Variants in ITGA9 observed in about 807,000 individuals in gnomAD.
The protein encoded by ITGA9 is integrin alpha-9.
In ITGA9, 56 loss-of-function variants were observed where a neutral mutation model predicts 127.8. That is an observed-to-expected ratio of 0.44 (90% CI 0.35 to 0.55). The LOEUF (loss-of-function observed/expected upper bound fraction) is 0.55. ITGA9 is among the 20% of genes least tolerant of loss of function. The probability of loss-of-function intolerance (pLI) is 0.00; values close to 1 mark genes in which losing one functional copy is unlikely to be tolerated. For synonymous variants in ITGA9, 508 were observed against 514.5 expected (o/e 0.99, Z 0.17); for missense variants, 1,196 against 1,347.1 (o/e 0.89, Z 1.76).
chr3:37,509,624 C>T (rs1172994975), intron 8 of ITGA9, among the ~76,000 whole-genome samples: 1 of 152,178 alleles, frequency 6.6e-6, no homozygotes, highest in African/African-American at 2.4e-5. Context: ...CGAATAGGTA[C>T]ACTTAGTGTA....
chr3:37,569,880 G>C (rs74282025), intron 15 of ITGA9, among the ~76,000 whole-genome samples: 1 of 152,138 alleles, frequency 6.6e-6, no homozygotes, highest in Non-Finnish European at 1.5e-5. Context: ...TTATTATATG[G>C]AGATATTTCA....
intron 23 of ITGA9, among the ~76,000 whole-genome samples, chr3:37,764,308 C>G (rs574911618): frequency 1.3e-5 from 2 of 151,906 alleles, no homozygotes; most frequent in Non-Finnish European, 2.9e-5. Flanking sequence ...AATCCTGTGC[C>G]TCTTCATCCA....
At chr3:37,557,828 A>C (rs1343230132) in intron 15 of ITGA9, among the ~76,000 whole-genome samples, 1 of 152,146 alleles carries the variant, frequency 6.6e-6, no homozygotes, top group African/African-American at 2.4e-5. Context: ...ATAAAATCTC[A>C]TTTTACCATT....
At chr3:37,640,311 G>A (rs554813699) in intron 16 of ITGA9, among the ~76,000 whole-genome samples, 1 of 152,270 alleles carries the variant, frequency 6.6e-6, no homozygotes, top group South Asian at 2.1e-4. Flanking sequence ...GGAATAGGAG[G>A]TCAGAGAGAC....
intron 5 of ITGA9, among the ~76,000 whole-genome samples, chr3:37,501,433 TA>T: frequency 6.6e-6 from 1 of 152,170 alleles, no homozygotes; most frequent in East Asian, 1.9e-4. Context: ...GATTATTAAT[TA>T]AAAAAATTAA....
At chr3:37,533,619 C>T (rs1217631304) in intron 14 of ITGA9, 151 bp downstream of exon 14, 4 of 720,742 alleles carry the variant, frequency 5.5e-6, no homozygotes, top group Non-Finnish European at 9.5e-6. Context: ...GAGGTTCCTC[C>T]CCTTCTATTT....
chr3:37,665,674 C>G lies in ITGA9; in HGVS notation c.1916+11884C>G, dbSNP rs371353187. On this transcript the variant is annotated intron_variant, in intron 17 of 27. Coordinates refer to ENST00000264741, the MANE Select transcript of ITGA9 (RefSeq NM_002207.3). ...TTCACCATATTGGCCAGGCGGGTCT[C>G]GAAATCCTGATCTCAAGCAATCCAC... 2.0e-5 allele frequency among the ~76,000 whole-genome samples: 3 copies of G among 152,130 alleles called. No individual in the cohort carries two copies. The East Asian group carries it at 5.8e-4, about 30-fold the overall frequency.
At chr3:37,728,856 G>A (rs1696249908) in intron 18 of ITGA9, among the ~76,000 whole-genome samples, 1 of 151,818 alleles carries the variant, frequency 6.6e-6, no homozygotes, top group Non-Finnish European at 1.5e-5. Context: ...GGCAAGAGGA[G>A]CGAAGGGAGC....
chr3:37,595,467 T>C (rs1442759664), intron 15 of ITGA9, among the ~76,000 whole-genome samples: 2 of 152,204 alleles, frequency 1.3e-5, no homozygotes, highest in African/African-American at 2.4e-5. Flanking sequence ...TTGAGAAACC[T>C]GTTCTCCCTA....
chr3:37,717,237 C>T (rs569375875), intron 18 of ITGA9, among the ~76,000 whole-genome samples: 3 of 152,318 alleles, frequency 2.0e-5, no homozygotes, highest in South Asian at 2.1e-4. Context: ...TGAATAAGTT[C>T]GTGACAGAAC....
Position 37,488,532 on chromosome 3 carries a change from C to T in ITGA9, c.545-5969C>T, listed in dbSNP as rs144144478. Among the ~76,000 whole-genome samples the T allele has an allele frequency of 2.7e-3, 410 of 152,216 alleles. 5 individuals carry two copies. The highest frequency in any genetic ancestry group is 9.0e-3 in the African/African-American group (375 of 41,506). Reference sequence around the variant, plus strand: ...AAATTATTGGCCAGGCGTGGTGGCTCATACCTGTAATCCCAGCACTTTGGG... The same window carrying T: ...AAATTATTGGCCAGGCGTGGTGGCTTATACCTGTAATCCCAGCACTTTGGG... On this transcript the variant is annotated intron_variant, in intron 4 of 27. Transcript: ENST00000264741.
intron 19 of ITGA9, among the ~76,000 whole-genome samples, chr3:37,733,950 C>T (rs1481451072): frequency 6.6e-6 from 1 of 152,238 alleles, no homozygotes; most frequent in Non-Finnish European, 1.5e-5. Flanking sequence ...TGTGAACATC[C>T]TGTGATTTGG....
intron 8 of ITGA9, among the ~76,000 whole-genome samples, chr3:37,512,129 CTTTTCTTTTCTTTTCTTTTCT>C: frequency 9.5e-5 from 1 of 10,524 alleles, no homozygotes; most frequent in East Asian, 4.0e-3. Context: ...TCTTTCTTTT[CTTTTCTTTTCTTTTCTTTTCT>C]TTTCTTTTCT....
chr3:37,624,261 A>C (rs1700155949), intron 15 of ITGA9, among the ~76,000 whole-genome samples: 2 of 129,744 alleles, frequency 1.5e-5, no homozygotes, highest in African/African-American at 6.0e-5. Flanking sequence ...CTTCTAGGTC[A>C]GGTGGCCAGT....
chr3:37,492,288 A>G (rs1466462652), intron 4 of ITGA9, among the ~76,000 whole-genome samples: 3 of 152,210 alleles, frequency 2.0e-5, no homozygotes, highest in Non-Finnish European at 2.9e-5. Context: ...CAGAAACATG[A>G]AAGTCAGTGA....
chr3:37,724,957 G>T (rs1021322743), intron 18 of ITGA9, among the ~76,000 whole-genome samples: 7 of 152,036 alleles, frequency 4.6e-5, no homozygotes, highest in Non-Finnish European at 1.0e-4. Flanking sequence ...CCCCAGGAAG[G>T]CTTATACTTG....
chr3:37,653,826 G>C, intron 17 of ITGA9, 36 bp downstream of exon 17: 2 of 1,540,618 alleles, frequency 1.3e-6, no homozygotes, highest in Non-Finnish European at 1.8e-6. Context: ...TTGTTCTCAG[G>C]CTCCTTTTTC....
chr3:37,461,669 C>T (rs1698317820), intron 1 of ITGA9, among the ~76,000 whole-genome samples: 1 of 152,232 alleles, frequency 6.6e-6, no homozygotes, highest in Admixed American at 6.5e-5. Flanking sequence ...CATAGACACA[C>T]TCTTCATTAT....
intron 18 of ITGA9, among the ~76,000 whole-genome samples, chr3:37,722,820 C>T (rs1165694061): frequency 1.3e-5 from 2 of 152,142 alleles, no homozygotes; most frequent in East Asian, 3.8e-4. Flanking sequence ...TTTTATTTCT[C>T]TTGGGTACAT....
Sources: gnomAD v4.1 joint callset for allele counts (sites outside exome capture counted in the v4.1 genomes callset) on GRCh38, gnomAD v4.1.1 for gene constraint, MANE v1.5 for transcripts, NCBI Gene and HGNC (gene_info 2026-07-23, HGNC 2026-07-21) for gene names.